NCR1: variants seen among roughly 807,000 people sequenced by gnomAD.
NCR1 encodes NK cell-activating receptor.
In NCR1, 30 loss-of-function variants were observed where a neutral mutation model predicts 32.5. The ratio of observed to expected loss-of-function variants is 0.92; its 90% CI spans 0.69 to 1.25. The LOEUF is 1.25. Among genes scored for constraint, NCR1 ranks in the 50% most tolerant of loss-of-function variants. The pLI, the probability that NCR1 is intolerant of heterozygous loss-of-function variation, is 0.00. For synonymous variants in NCR1, 169 were observed against 143.4 expected, an observed-to-expected ratio of 1.18 and a Z score of -1.28; for missense variants, 369 against 380.7, an observed-to-expected ratio of 0.97 and a Z score of 0.26.
chr19:54,938,150 T>C, the NCR1 span: 1 of 1,614,064 alleles, frequency 6.2e-7, no homozygotes, highest in Non-Finnish European at 8.5e-7. Context: ...TTGAGGTTGC[T>C]GTTTGAGCTG....
upstream of NCR1, among the ~76,000 whole-genome samples, chr19:54,902,838 G>A (rs587640702): frequency 4.6e-5 from 6 of 130,358 alleles, no homozygotes; most frequent in African/African-American, 1.9e-4. Context: ...CAGTAAATAA[G>A]AAGGAGGCGG....
upstream of NCR1, among the ~76,000 whole-genome samples, chr19:54,902,475 A>T (rs886754236): frequency 6.7e-6 from 1 of 150,124 alleles, no homozygotes; most frequent in African/African-American, 2.5e-5. Flanking sequence ...TAATTTTTGC[A>T]TTTTTTTTTC....
the NCR1 span, chr19:54,933,478 A>G: frequency 2.2e-5 from 34 of 1,517,484 alleles, no homozygotes; most frequent in Admixed American, 9.0e-5. Flanking sequence ...CAGGTTTTTA[A>G]AAGTTACATT....
At chr19:54,933,690 C>T in the NCR1 span, 2 of 1,614,190 alleles carry the variant, frequency 1.2e-6, no homozygotes, top group Non-Finnish European at 1.7e-6. Context: ...ACAACCAAGA[C>T]AGCAGCAAGG....
intron 3 of NCR1, 24 bp downstream of exon 3, chr19:54,906,831 G>A: frequency 6.2e-7 from 1 of 1,611,334 alleles, no homozygotes; most frequent in Non-Finnish European, 8.5e-7. Flanking sequence ...TCTCTAACTG[G>A]AGAGTGATCT....
the NCR1 span, among the ~76,000 whole-genome samples, chr19:54,937,663 C>G: frequency 6.6e-6 from 1 of 151,916 alleles, no homozygotes; most frequent in Non-Finnish European, 1.5e-5. Context: ...TTTGGAAGGC[C>G]GAGGCAGGCA....
upstream of NCR1, among the ~76,000 whole-genome samples, chr19:54,905,102 C>T (rs4806618): frequency 0.056 from 8,578 of 152,208 alleles, 305 homozygotes; most frequent in Middle Eastern, 0.12. Flanking sequence ...ATATACCCAG[C>T]GATGGGATTG....
At chr19:54,926,458 C>G in the NCR1 span, among the ~76,000 whole-genome samples, 3 of 152,178 alleles carry the variant, frequency 2.0e-5, no homozygotes, top group African/African-American at 7.2e-5. Context: ...AAAAACTCTT[C>G]TCTGCATGGG....
the NCR1 span, chr19:54,927,844 C>A: frequency 9.1e-6 from 13 of 1,433,840 alleles, no homozygotes; most frequent in African/African-American, 1.4e-5. Context: ...GTAATCCCAA[C>A]ACTTCGGGAG....
the NCR1 span, among the ~76,000 whole-genome samples, chr19:54,924,656 TG>T: frequency 2.0e-5 from 3 of 151,762 alleles, no homozygotes; most frequent in Non-Finnish European, 4.4e-5. Context: ...ATAATCAGGC[TG>T]GTGCACGGTG....
chr19:54,919,441 G>GAGA (rs2068199269), downstream of NCR1, among the ~76,000 whole-genome samples: 1 of 127,762 alleles, frequency 7.8e-6, no homozygotes, highest in Non-Finnish European at 1.7e-5. Context: ...AGGCAGAGAG[G>GAGA]GAGAGGAGAC....
At chr19:54,910,086 A>C in intron 5 of NCR1, 21 bp downstream of exon 5, 1 of 1,610,550 alleles carries the variant, frequency 6.2e-7, no homozygotes, top group Non-Finnish European at 8.5e-7. Context: ...GGTCCTTCTA[A>C]GCTCAGACGA....
the NCR1 span, chr19:54,924,006 T>C: frequency 1.1e-6 from 1 of 948,964 alleles, no homozygotes; most frequent in Non-Finnish European, 1.6e-6. Context: ...CTTGCTCTGT[T>C]GCCCAGGCTG....
At chr19:54,901,076 A>T in the NCR1 span, among the ~76,000 whole-genome samples, 881 of 146,380 alleles carry the variant, frequency 6.0e-3, 12 homozygotes, top group African/African-American at 0.021. Context: ...CGAGGTCAGG[A>T]GATGGAGACC....
upstream of NCR1, among the ~76,000 whole-genome samples, chr19:54,905,448 T>G (rs2067527698): frequency 6.6e-6 from 1 of 151,606 alleles, no homozygotes; most frequent in Non-Finnish European, 1.5e-5. Flanking sequence ...TTTTAAGCAT[T>G]TTGTGGGGTT....
At chr19:54,931,355 A>G in the NCR1 span, among the ~76,000 whole-genome samples, 1 of 152,132 alleles carries the variant, frequency 6.6e-6, no homozygotes, top group Admixed American at 6.6e-5. Context: ...TCAGGAGTTC[A>G]AGACCAGCCT....
chr19:54,904,036 G>A (rs1333249360), upstream of NCR1, among the ~76,000 whole-genome samples: 1 of 148,506 alleles, frequency 6.7e-6, no homozygotes, highest in Non-Finnish European at 1.5e-5. Flanking sequence ...TGAGGCAGGA[G>A]AATTGCTTGA....
the NCR1 span, among the ~76,000 whole-genome samples, chr19:54,899,482 G>C: frequency 2.0e-5 from 3 of 152,170 alleles, no homozygotes; most frequent in Middle Eastern, 3.4e-3. Flanking sequence ...GCGGGAAAGG[G>C]GTCAGGGCAC....
At chr19:54,923,652 A>C in the NCR1 span, 1 of 1,439,466 alleles carries the variant, frequency 6.9e-7, no homozygotes, top group Non-Finnish European at 9.7e-7. Context: ...TCTAGTGTTA[A>C]CATGTGACCC....
Sources: gnomAD v4.1 joint callset for allele counts (sites outside exome capture counted in the v4.1 genomes callset) on GRCh38, gnomAD v4.1.1 for gene constraint, MANE v1.5 for transcripts, NCBI Gene and HGNC (gene_info 2026-07-23, HGNC 2026-07-21) for gene names.